Variants in COPS4 observed in about 807,000 individuals in gnomAD.
COPS4 encodes the protein COP9 signalosome complex subunit 4.
COPS4 carries 8 observed loss-of-function variants against 55.1 expected under a neutral mutation model. The ratio of observed to expected loss-of-function variants is 0.15; its 90% CI spans 0.09 to 0.26. The LOEUF (loss-of-function observed/expected upper bound fraction) is 0.26, where lower values mean the gene tolerates loss of function less well. Among genes scored for constraint, COPS4 ranks in the 10% least tolerant of loss-of-function variants. The probability of loss-of-function intolerance (pLI) is 1.00; values close to 1 mark genes in which losing one functional copy is unlikely to be tolerated. For missense variants in COPS4, 248 were observed against 484.0 expected, an observed-to-expected ratio of 0.51 and a Z score of 4.58; for synonymous variants, 185 against 165.7, an observed-to-expected ratio of 1.12 and a Z score of -0.90.
chr4:83,047,412 T>C (rs1730746938), intron 2 of COPS4, among the ~76,000 whole-genome samples: 1 of 140,012 alleles, frequency 7.1e-6, no homozygotes, highest in Admixed American at 7.5e-5. Flanking sequence ...AAAATTAGCC[T>C]GGCGTGGTGA....
rs1424781364 is a variant in COPS4 at position 83,068,986 on chromosome 4, AT to A, written c.1087+466del. Among the ~76,000 whole-genome samples the A allele has an allele frequency of 2.1e-5, 3 of 141,976 alleles. No individual in the cohort carries two copies. In the South Asian group the frequency reaches 6.8e-4, roughly 32 times the overall value. 93.1% of individuals were successfully genotyped at this position (141,976 alleles called of 152,430 possible). The stretch of plus-strand genomic sequence containing the variant: ...CTCTGTCTCAAAAAAAAAAAAAAAA[AT>A]TATATTCATGAATCTACTTACTGCA... On this transcript the variant is annotated intron_variant, in intron 9 of 9. Transcript: ENST00000264389.
intron 3 of COPS4, chr4:83,049,550 CA>C (rs1350705558): frequency 1.8e-5 from 9 of 491,268 alleles, no homozygotes; most frequent in South Asian, 1.6e-4. Flanking sequence ...GCTCTCTAGA[CA>C]ATTTTTTAAA....
chr4:83,051,053 G>A (rs1560437889), intron 4 of COPS4, among the ~76,000 whole-genome samples: 1 of 149,248 alleles, frequency 6.7e-6, no homozygotes, highest in Admixed American at 6.7e-5. Flanking sequence ...TTGAGCCCAG[G>A]AGTTCGAGAA....
At chr4:83,060,890 C>T (rs553121238) in intron 6 of COPS4, among the ~76,000 whole-genome samples, 3 of 151,682 alleles carry the variant, frequency 2.0e-5, no homozygotes, top group African/African-American at 7.2e-5. Flanking sequence ...CAAAATTAGC[C>T]GGGCGTCGTG....
intron 7 of COPS4, 142 bp downstream of exon 7, chr4:83,063,388 AT>A (rs989479210): frequency 2.3e-3 from 1,300 of 564,544 alleles, no homozygotes; most frequent in African/African-American, 3.1e-3. Context: ...TTTATTTAAA[AT>A]TTTTTTTTTA....
intron 9 of COPS4, among the ~76,000 whole-genome samples, chr4:83,071,319 G>A (rs1286130243): frequency 6.6e-6 from 1 of 152,142 alleles, no homozygotes; most frequent in African/African-American, 2.4e-5. Flanking sequence ...GAGTAATATA[G>A]CATTTCCCCT....
intron 1 of COPS4, among the ~76,000 whole-genome samples, chr4:83,043,333 G>A (rs946999754): frequency 5.3e-5 from 8 of 151,630 alleles, no homozygotes; most frequent in African/African-American, 1.5e-4. Context: ...TTTGGGCAAT[G>A]TAGTGAGACC....
At chr4:83,071,772 C>T (rs375141779) in intron 9 of COPS4, among the ~76,000 whole-genome samples, 3 of 151,494 alleles carry the variant, frequency 2.0e-5, no homozygotes, top group African/African-American at 4.9e-5. Context: ...AGTGCAGTGG[C>T]GCAATCTCGG....
chr4:83,048,384 A>G (rs1409585181), intron 2 of COPS4, among the ~76,000 whole-genome samples: 2 of 152,216 alleles, frequency 1.3e-5, no homozygotes. Context: ...TTATTGGGAA[A>G]GTATAAGTGG....
chr4:83,069,490 C>T (rs80168498), intron 9 of COPS4, among the ~76,000 whole-genome samples: 3,090 of 152,202 alleles, frequency 0.02, 49 homozygotes, highest in Non-Finnish European at 0.03. Context: ...TCTCTAAATT[C>T]GAGGTCACAG....
intron 1 of COPS4, among the ~76,000 whole-genome samples, chr4:83,041,312 C>T (rs1003268756): frequency 6.6e-6 from 1 of 151,778 alleles, no homozygotes; most frequent in Admixed American, 6.6e-5. Flanking sequence ...ATCCGCCCAC[C>T]TCAGCCTCCC....
chr4:83,059,371 C>T (rs1456414080), intron 6 of COPS4, among the ~76,000 whole-genome samples: 1 of 151,994 alleles, frequency 6.6e-6, no homozygotes, highest in African/African-American at 2.4e-5. Context: ...TGTTTTCTTT[C>T]AGTACTTTAG....
At chr4:83,069,751 C>A (rs1731373158) in intron 9 of COPS4, among the ~76,000 whole-genome samples, 1 of 152,128 alleles carries the variant, frequency 6.6e-6, no homozygotes, top group Non-Finnish European at 1.5e-5. Context: ...GATGTAGAAA[C>A]ACTTTAATTT....
At chr4:83,066,184 GC>G (rs1164997284) in intron 7 of COPS4, among the ~76,000 whole-genome samples, 1 of 152,100 alleles carries the variant, frequency 6.6e-6, no homozygotes, top group Non-Finnish European at 1.5e-5. Context: ...GCCTGAAGAA[GC>G]AAGATTCTAA....
intron 6 of COPS4, among the ~76,000 whole-genome samples, chr4:83,060,264 A>G (rs1293763045): frequency 1.3e-5 from 2 of 150,846 alleles, no homozygotes; most frequent in African/African-American, 4.9e-5. Context: ...GCTCACTGCA[A>G]GCTCCGCCTC....
At chr4:83,053,581 C>G (rs1035071227) in intron 4 of COPS4, among the ~76,000 whole-genome samples, 58 of 152,210 alleles carry the variant, frequency 3.8e-4, no homozygotes, top group African/African-American at 1.2e-3. Flanking sequence ...TAGCTCACGC[C>G]TGTAATCCCA....
At chr4:83,061,693 A>G (rs962567533) in intron 6 of COPS4, among the ~76,000 whole-genome samples, 1 of 151,122 alleles carries the variant, frequency 6.6e-6, no homozygotes, top group African/African-American at 2.4e-5. Context: ...AATTGTTCCA[A>G]TCATGACTAG....
chr4:83,049,142 A>AT, intron 2 of COPS4, 24 bp from the exon 3 acceptor site: 1 of 1,519,048 alleles, frequency 6.6e-7, no homozygotes, highest in African/African-American at 1.4e-5. Context: ...ATGTTTTCTT[A>AT]TCTTTTTTTT....
intron 6 of COPS4, among the ~76,000 whole-genome samples, chr4:83,061,452 C>T (rs985889282): frequency 7.2e-5 from 11 of 152,120 alleles, no homozygotes; most frequent in African/African-American, 2.7e-4. Flanking sequence ...TTCTTGTCTT[C>T]TTTTGCTCAA....
Sources: allele counts gnomAD v4.1 joint callset (sites outside exome capture counted in the v4.1 genomes callset), GRCh38; gene constraint gnomAD v4.1.1; transcripts MANE v1.5; gene names NCBI Gene and HGNC (gene_info 2026-07-23, HGNC 2026-07-21).